The following ECT2L variants were observed in gnomAD, a reference collection of about 807,000 sequenced individuals.
ECT2L encodes the protein epithelial cell-transforming sequence 2 oncogene-like.
Under a neutral mutation model 122.8 loss-of-function variants are expected in ECT2L, and 126 were observed. That is an observed-to-expected ratio of 1.03 (90% CI 0.89 to 1.19). The LOEUF (loss-of-function observed/expected upper bound fraction) is 1.19, where lower values mean the gene tolerates loss of function less well. ECT2L is among the 50% of genes most tolerant of loss of function. The pLI is 0.00. For synonymous variants in ECT2L, 385 were observed against 381.8 expected (o/e 1.01, Z -0.10); for missense variants, 1,012 against 1,064.1 (o/e 0.95, Z 0.68).
chr6:138,832,028 ATTT>A (rs201203873), intron 4 of ECT2L, among the ~76,000 whole-genome samples: 1 of 128,262 alleles, frequency 7.8e-6, no homozygotes, highest in African/African-American at 2.9e-5. Context: ...AATGTCTTCA[ATTT>A]TTTTTATCAT....
At chr6:138,872,483 T>C (rs905919095) in intron 13 of ECT2L, among the ~76,000 whole-genome samples, 3 of 152,210 alleles carry the variant, frequency 2.0e-5, no homozygotes, top group African/African-American at 4.8e-5. Flanking sequence ...GAACGCCAGA[T>C]GGGCATTTAG....
At position 138,902,567 on chromosome 6, in the gene ECT2L, T is replaced by C. The variant is rs773736528; in HGVS notation, c.2655T>C (p.Asp885=). ...GGATTTGTGCTACAGAAATAGAGGA[T>C]GATAAGTTCCTATGGCTGTCAGTAC... The part of the protein sequence containing the change: ...YKWICATEIE[D]DKFLWLSVLR... The change falls in exon 22 of 22, where the codon GAT becomes GAC. Residue 885 remains aspartate, a synonymous_variant. Coordinates refer to ENST00000541398, the MANE Select transcript of ECT2L (RefSeq NM_001077706.3). 1 of 1,613,930 alleles carries C rather than the reference T, an allele frequency of 6.2e-7. No individual in the cohort carries two copies. The highest frequency in any genetic ancestry group is 8.5e-7 in the Non-Finnish European group (1 of 1,179,884).
chr6:138,797,651 AAAAC>A (rs1775390134), intron 1 of ECT2L, among the ~76,000 whole-genome samples: 1 of 151,952 alleles, frequency 6.6e-6, no homozygotes, highest in African/African-American at 2.4e-5. Flanking sequence ...GAGGAAAAAA[AAAAC>A]AAAAAACTTT....
chr6:138,870,931 C>T (rs1778230982), intron 13 of ECT2L, among the ~76,000 whole-genome samples: 1 of 152,050 alleles, frequency 6.6e-6, no homozygotes, highest in African/African-American at 2.4e-5. Context: ...CACTTGAACC[C>T]AGGGGGGTTC....
rs534211976 is a variant in ECT2L, at chr6:138,868,079, G to A, written c.1475-24G>A. 3.0e-5 allele frequency: 43 copies of A among 1,456,662 alleles called. 1 individual carries two copies. The South Asian group carries it at 4.6e-4, about 16-fold the overall frequency. The allele number at this position is 1,456,662 out of a possible 1,614,324, so 90.2% of individuals were successfully genotyped here. ...ACATTTCTTACATAAATCAATTACAGGGCATGTGGCCTTGTATTTACAGGG... is the reference window on the plus strand; with the variant it reads ...ACATTTCTTACATAAATCAATTACAAGGCATGTGGCCTTGTATTTACAGGG... On this transcript the variant is annotated intron_variant, in intron 12 of 21. Coordinates refer to ENST00000541398, the MANE Select transcript of ECT2L (RefSeq NM_001077706.3).
intron 7 of ECT2L, among the ~76,000 whole-genome samples, chr6:138,844,995 G>T (rs770168957): frequency 2.6e-5 from 4 of 151,766 alleles, no homozygotes; most frequent in Non-Finnish European, 5.9e-5. Flanking sequence ...TTAAGTTACT[G>T]AACAAAAATA....
intron 20 of ECT2L, among the ~76,000 whole-genome samples, chr6:138,898,749 C>A (rs1228467726): frequency 6.6e-6 from 1 of 152,120 alleles, no homozygotes; most frequent in Non-Finnish European, 1.5e-5. Context: ...TTATGAAGAA[C>A]AACCTGGAGG....
At chr6:138,812,397 AT>A (rs1436457148) in intron 1 of ECT2L, among the ~76,000 whole-genome samples, 2 of 152,210 alleles carry the variant, frequency 1.3e-5, no homozygotes, top group Non-Finnish European at 2.9e-5. Context: ...TGCTGGAGTA[AT>A]TTGCTTTGCA....
chr6:138,878,075 A>G (rs1226109473), intron 14 of ECT2L, among the ~76,000 whole-genome samples: 1 of 152,110 alleles, frequency 6.6e-6, no homozygotes, highest in African/African-American at 2.4e-5. Flanking sequence ...ACATTTTTTC[A>G]TTTTAAACAA....
chr6:138,814,689 G>C (rs1262183902), intron 4 of ECT2L, 86 bp downstream of exon 4: 4 of 782,850 alleles, frequency 5.1e-6, no homozygotes, highest in Admixed American at 2.9e-5. Context: ...GAGATTTTTT[G>C]TTCCTAGGGA....
intron 20 of ECT2L, among the ~76,000 whole-genome samples, chr6:138,894,664 G>A (rs1779152020): frequency 6.6e-6 from 1 of 152,122 alleles, no homozygotes; most frequent in African/African-American, 2.4e-5. Context: ...TCACATACTG[G>A]AAATTGTAGA....
At position 138,886,266 on chromosome 6, in the gene ECT2L, ATAT is replaced by A. The variant is rs374950425; in HGVS notation, c.2259+446_2259+448del. 5.3e-4 allele frequency among the ~76,000 whole-genome samples: 80 copies of A among 152,296 alleles called. No individual in the cohort carries two copies. The East Asian group carries it at 8.9e-3, about 17-fold the overall frequency. ...GGAGTACAGTACTATCATTCTGAAA[ATAT>A]TATTATTATATTGTGCATACTGTAA... On this transcript the variant is annotated intron_variant, in intron 18 of 21. Coordinates refer to ENST00000541398, the MANE Select transcript of ECT2L (RefSeq NM_001077706.3).
chr6:138,825,618 T>C (rs1221380299), intron 4 of ECT2L, among the ~76,000 whole-genome samples: 2 of 151,930 alleles, frequency 1.3e-5, no homozygotes, highest in African/African-American at 2.4e-5. Flanking sequence ...AGAATACAGA[T>C]AAGCAAAAAG....
chr6:138,847,671 C>T (rs1777283122), intron 8 of ECT2L, among the ~76,000 whole-genome samples: 1 of 151,060 alleles, frequency 6.6e-6, no homozygotes, highest in Non-Finnish European at 1.5e-5. Flanking sequence ...GCCACCGCAC[C>T]CAGCCTAAAG....
chr6:138,842,427 C>G (rs1777070679), intron 5 of ECT2L, among the ~76,000 whole-genome samples: 1 of 151,870 alleles, frequency 6.6e-6, no homozygotes. Flanking sequence ...CGCCACTGCA[C>G]TCCAGCCTGG....
Position 138,867,066 on chromosome 6 carries a change from C to T in ECT2L, c.1475-1037C>T, listed in dbSNP as rs367829794. The stretch of plus-strand genomic sequence containing the variant: ...TCCAGCCTGGGCAACAGAATGAGAC[C>T]CTGTCTCAAAAAAAACAAAAAAACA... On this transcript the variant is annotated intron_variant, in intron 12 of 21. Coordinates refer to ENST00000541398, the MANE Select transcript of ECT2L (RefSeq NM_001077706.3). 6.7e-5 allele frequency among the ~76,000 whole-genome samples: 10 copies of T among 150,300 alleles called. No individual in the cohort carries two copies. The East Asian group carries it at 1.2e-3, about 18-fold the overall frequency.
chr6:138,847,354 ACTTT>A lies in ECT2L; in HGVS notation c.903+678_903+681del, dbSNP rs1488267474. Among the ~76,000 whole-genome samples the A allele has an allele frequency of 4.4e-3, 487 of 111,022 alleles. 20 individuals are homozygous for A. The highest frequency in any genetic ancestry group is 0.018 in the African/African-American group (459 of 24,906). 72.8% of individuals were successfully genotyped at this position (111,022 alleles called of 152,430 possible). ...TTTTGAAAAAGCATTAAAGGCCCAAACTTTTTTTTTTTTTTTTTTTTTTTTTTTT... is the reference window on the plus strand; with the variant it reads ...TTTTGAAAAAGCATTAAAGGCCCAAATTTTTTTTTTTTTTTTTTTTTTTTT... On this transcript the variant is annotated intron_variant, in intron 8 of 21. Transcript: ENST00000541398.
At chr6:138,858,089 C>T (rs1353278090) in intron 10 of ECT2L, among the ~76,000 whole-genome samples, 1 of 152,168 alleles carries the variant, frequency 6.6e-6, no homozygotes, top group Non-Finnish European at 1.5e-5. Flanking sequence ...CCACCCTTCA[C>T]ACGTGAGGAT....
At chr6:138,902,088 T>TA (rs1462397397) in intron 21 of ECT2L, among the ~76,000 whole-genome samples, 1 of 152,242 alleles carries the variant, frequency 6.6e-6, no homozygotes, top group African/African-American at 2.4e-5. Context: ...AGTAACCTAA[T>TA]AGACAGTGGG....
Sources: gnomAD v4.1 joint callset for allele counts (sites outside exome capture counted in the v4.1 genomes callset) on GRCh38, gnomAD v4.1.1 for gene constraint, MANE v1.5 for transcripts, NCBI Gene and HGNC (gene_info 2026-07-23, HGNC 2026-07-21) for gene names.